ABCB1: variants seen among roughly 807,000 people sequenced by gnomAD.
The protein encoded by ABCB1 is ATP-dependent translocase ABCB1.
A neutral mutation model predicts 142.0 loss-of-function variants in ABCB1; 69 were observed. The ratio of observed to expected loss-of-function variants is 0.49; its 90% CI spans 0.40 to 0.59. ABCB1 has a LOEUF of 0.59. ABCB1 is among the 20% of genes least tolerant of loss of function. The pLI, the probability that ABCB1 is intolerant of heterozygous loss-of-function variation, is 0.00. For synonymous variants in ABCB1, 532 were observed against 539.2 expected (o/e 0.99, Z 0.18); for missense variants, 1,326 against 1,554.7 (o/e 0.85, Z 2.47).
intron 26 of ABCB1, 88 bp from the exon 27 acceptor site, chr7:87,506,131 T>C (rs1219406902): frequency 2.9e-6 from 4 of 1,366,670 alleles, no homozygotes; most frequent in African/African-American, 1.4e-5. Flanking sequence ...GACGATTCTA[T>C]ATACTCCAAA....
At chr7:87,518,337 C>T (rs577490491) in intron 23 of ABCB1, among the ~76,000 whole-genome samples, 1 of 152,258 alleles carries the variant, frequency 6.6e-6, no homozygotes, top group South Asian at 2.1e-4. Flanking sequence ...AACCTAAATG[C>T]CCCAATGTCA....
At chr7:87,574,781 T>C (rs1208529346) in intron 4 of ABCB1, among the ~76,000 whole-genome samples, 1 of 152,190 alleles carries the variant, frequency 6.6e-6, no homozygotes, top group Non-Finnish European at 1.5e-5. Context: ...TCCGTAGTAA[T>C]TGACAGATGA....
intron 1 of ABCB1, among the ~76,000 whole-genome samples, chr7:87,709,828 T>C (rs1829908262): frequency 6.6e-6 from 1 of 152,194 alleles, no homozygotes; most frequent in African/African-American, 2.4e-5. Flanking sequence ...TGAAAATAAT[T>C]GATTTATGAA....
chr7:87,559,615 T>C (rs1261400556), intron 8 of ABCB1, among the ~76,000 whole-genome samples: 6 of 152,300 alleles, frequency 3.9e-5, no homozygotes, highest in African/African-American at 1.2e-4. Context: ...TTGATTTAGA[T>C]GTTTAGTTCT....
chr7:87,634,099 C>A (rs956320199), intron 1 of ABCB1, among the ~76,000 whole-genome samples: 5 of 152,150 alleles, frequency 3.3e-5, no homozygotes, highest in Admixed American at 3.3e-4. Context: ...CTTCTAGGAA[C>A]TGATCCATTC....
At chr7:87,519,921 CTTGAGTTGAATTACTA>C (rs1360745026) in intron 22 of ABCB1, among the ~76,000 whole-genome samples, 1 of 143,908 alleles carries the variant, frequency 6.9e-6, no homozygotes, top group African/African-American at 3.0e-5. Context: ...GGAGACCTGA[CTTGAGTTGAATTACTA>C]TTTATGCATT....
At chr7:87,672,398 C>T (rs999648613) in intron 1 of ABCB1, among the ~76,000 whole-genome samples, 3 of 152,126 alleles carry the variant, frequency 2.0e-5, no homozygotes, top group Non-Finnish European at 2.9e-5. Context: ...CTCCCCTGGA[C>T]GCTCCTCCCT....
chr7:87,576,762 A>T (rs889786116), intron 4 of ABCB1, among the ~76,000 whole-genome samples: 29 of 151,592 alleles, frequency 1.9e-4, no homozygotes, highest in African/African-American at 7.0e-4. Flanking sequence ...TTTAATTTTA[A>T]TTTATTTTTA....
chr7:87,641,184 T>A (rs2157926), intron 1 of ABCB1, among the ~76,000 whole-genome samples: 23,890 of 152,128 alleles, frequency 0.16, 3,170 homozygotes, highest in African/African-American at 0.37. Flanking sequence ...GTCAACCATT[T>A]TGTGTCAAAG....
At chr7:87,672,381 C>T (rs887678208) in intron 1 of ABCB1, among the ~76,000 whole-genome samples, 1 of 152,138 alleles carries the variant, frequency 6.6e-6, no homozygotes, top group Non-Finnish European at 1.5e-5. Flanking sequence ...TAGATGGTGG[C>T]CCACCCCTCC....
intron 3 of ABCB1, among the ~76,000 whole-genome samples, chr7:87,586,173 T>C (rs1364907684): frequency 1.3e-5 from 2 of 152,154 alleles, no homozygotes; most frequent in Non-Finnish European, 2.9e-5. Flanking sequence ...TGAAGATAAT[T>C]AGGCCTCAAG....
chr7:87,609,782 G>A (rs139837832), intron 1 of ABCB1, among the ~76,000 whole-genome samples: 300 of 152,020 alleles, frequency 2.0e-3, no homozygotes, highest in African/African-American at 7.0e-3. Context: ...TGCCTTAGTG[G>A]TATCTGTAGT....
chr7:87,572,593 A>G lies in ABCB1; in HGVS notation c.287-2370T>C, dbSNP rs188793079. On this transcript the variant is annotated intron_variant, in intron 4 of 27. Coordinates refer to ENST00000622132, the MANE Select transcript of ABCB1 (RefSeq NM_001348946.2). ...AAGAAGTATAAATAATTCTATTATA[A>G]AGACACATGCATGCATATGTTCATT... Among the ~76,000 whole-genome samples the G allele has an allele frequency of 3.3e-5, 5 of 152,342 alleles. No homozygotes were observed. In the East Asian group the frequency reaches 7.7e-4, roughly 23 times the overall value.
chr7:87,668,007 GGTGGGGAGGA>G, intron 1 of ABCB1, among the ~76,000 whole-genome samples: 1 of 152,112 alleles, frequency 6.6e-6, no homozygotes, highest in African/African-American at 2.4e-5. Context: ...TAGAGAATGA[GGTGGGGAGGA>G]GTCCCTCTTC....
At chr7:87,592,490 C>T (rs1819036819) in intron 3 of ABCB1, among the ~76,000 whole-genome samples, 1 of 152,084 alleles carries the variant, frequency 6.6e-6, no homozygotes, top group South Asian at 2.1e-4. Flanking sequence ...AGCCAGGTGG[C>T]GTAGTCTTTG....
chr7:87,625,908 T>C (rs553556823), intron 1 of ABCB1, among the ~76,000 whole-genome samples: 51 of 151,222 alleles, frequency 3.4e-4, no homozygotes, highest in African/African-American at 1.1e-3. Context: ...AATGTATGAA[T>C]GAATATTTAT....
At chr7:87,554,430 C>T (rs1047794760) in intron 8 of ABCB1, among the ~76,000 whole-genome samples, 1 of 151,670 alleles carries the variant, frequency 6.6e-6, no homozygotes, top group Non-Finnish European at 1.5e-5. Context: ...CTAGGACTGT[C>T]GGAATGACCA....
chr7:87,648,728 A>T (rs1350862231), intron 1 of ABCB1, among the ~76,000 whole-genome samples: 1 of 152,158 alleles, frequency 6.6e-6, no homozygotes, highest in Non-Finnish European at 1.5e-5. Flanking sequence ...GTTGTAAGAA[A>T]GTTTTTAATG....
Position 87,504,114 on chromosome 7 carries a change from C to G in ABCB1, c.*129G>C. On this transcript the variant is annotated 3_prime_UTR_variant, in exon 28 of 28. Transcript: ENST00000622132. ...TTTAATTACGAAGTCTCTGAAGACT[C>G]TGAACTTGACTGAGGAAATGTTAAA... The G allele has an allele frequency of 8.0e-7, 1 of 1,247,664 alleles. No homozygotes were observed. The highest frequency in any genetic ancestry group is 1.3e-5 in the South Asian group (1 of 75,832). 77.3% of individuals were successfully genotyped at this position (1,247,664 alleles called of 1,614,324 possible).
Sources: gnomAD v4.1 joint callset for allele counts (sites outside exome capture counted in the v4.1 genomes callset) on GRCh38, gnomAD v4.1.1 for gene constraint, MANE v1.5 for transcripts, NCBI Gene and HGNC (gene_info 2026-07-23, HGNC 2026-07-21) for gene names.